Variants in ADAMTS12 observed in about 807,000 individuals in gnomAD.
ADAMTS12 encodes the protein A disintegrin and metalloproteinase with thrombospondin motifs 12.
A neutral mutation model predicts 167.8 loss-of-function variants in ADAMTS12; 118 were observed. That is an observed-to-expected ratio of 0.70 (90% CI 0.61 to 0.82). The LOEUF is 0.82. Among genes scored for constraint, ADAMTS12 ranks in the 40% least tolerant of loss-of-function variants. The pLI is 0.00. For missense variants in ADAMTS12, 1,916 were observed against 1,998.8 expected, an observed-to-expected ratio of 0.96 and a Z score of 0.79; for synonymous variants, 704 against 716.9, an observed-to-expected ratio of 0.98 and a Z score of 0.29.
chr5:33,775,067 C>T (rs927365442), intron 2 of ADAMTS12, among the ~76,000 whole-genome samples: 7 of 152,014 alleles, frequency 4.6e-5, no homozygotes, highest in Admixed American at 6.6e-5. Flanking sequence ...TTAAAGCTCC[C>T]CAGGTCATTC....
chr5:33,600,024 T>A (rs1738112537), intron 16 of ADAMTS12, among the ~76,000 whole-genome samples: 1 of 152,174 alleles, frequency 6.6e-6, no homozygotes. Flanking sequence ...CTATACTAAA[T>A]ATAGTCCCAA....
intron 3 of ADAMTS12, among the ~76,000 whole-genome samples, chr5:33,708,592 T>C (rs1743279916): frequency 6.6e-6 from 1 of 152,140 alleles, no homozygotes; most frequent in African/African-American, 2.4e-5. Flanking sequence ...GTGGCACATA[T>C]ACACCATGGA....
chr5:33,872,859 C>G (rs1750091485), intron 2 of ADAMTS12, among the ~76,000 whole-genome samples: 1 of 152,106 alleles, frequency 6.6e-6, no homozygotes, highest in East Asian at 1.9e-4. Flanking sequence ...ATGATCATAC[C>G]TATAGATGGA....
chr5:33,855,938 T>C lies in ADAMTS12; in HGVS notation c.489+25181A>G, dbSNP rs557518473. Among the ~76,000 whole-genome samples, 223 of 152,262 alleles carry C rather than the reference T, an allele frequency of 1.5e-3. 2 individuals carry two copies. The highest frequency in any genetic ancestry group is 5.2e-3 in the African/African-American group (214 of 41,540). ...GTAGCGATGATGCCTCACTACGTTG[T>C]GTAGGTTTGTCTCCAACTCCTGGAT... is the stretch of plus-strand genomic sequence containing the variant. On this transcript the variant is annotated intron_variant, in intron 2 of 23. Transcript: ENST00000504830.
intron 20 of ADAMTS12, among the ~76,000 whole-genome samples, chr5:33,550,941 C>A (rs557403802): frequency 6.6e-6 from 1 of 152,130 alleles, no homozygotes; most frequent in Non-Finnish European, 1.5e-5. Context: ...AAAGAGATCT[C>A]CAGTAATCAT....
At chr5:33,754,779 C>T (rs1018047607) in intron 2 of ADAMTS12, among the ~76,000 whole-genome samples, 5 of 152,094 alleles carry the variant, frequency 3.3e-5, no homozygotes, top group African/African-American at 1.2e-4. Context: ...TTGCTTAAGC[C>T]TGGGAGGCGG....
At chr5:33,673,859 C>T (rs34017745) in intron 5 of ADAMTS12, among the ~76,000 whole-genome samples, 38,394 of 136,146 alleles carry the variant, frequency 0.28, 5,118 homozygotes, top group African/African-American at 0.33. Flanking sequence ...GTCTTTTTCT[C>T]TTACCCCCTT....
At chr5:33,676,591 G>A (rs1398312323) in intron 5 of ADAMTS12, among the ~76,000 whole-genome samples, 1 of 151,736 alleles carries the variant, frequency 6.6e-6, no homozygotes, top group Non-Finnish European at 1.5e-5. Flanking sequence ...GGCTGAGGTG[G>A]GAGGATGGCT....
Position 33,850,754 on chromosome 5 carries a change from C to CTGG in ADAMTS12, c.489+30362_489+30364dup, listed in dbSNP as rs1307676380. 2.0e-5 allele frequency among the ~76,000 whole-genome samples: 3 copies of CTGG among 152,294 alleles called. No individual in the cohort carries two copies. The East Asian group carries it at 5.8e-4, about 29-fold the overall frequency. ...AAAGAGAGAGTTTTTTCCCATCCTG[C>CTGG]TGGTCCCTGGGCTGCAAGGATCCAG... is the stretch of plus-strand genomic sequence containing the variant. On this transcript the variant is annotated intron_variant, in intron 2 of 23. Coordinates refer to ENST00000504830, the MANE Select transcript of ADAMTS12 (RefSeq NM_030955.4).
Position 33,526,042 on chromosome 5 carries a change from A to G in ADAMTS12, c.*1146T>C, listed in dbSNP as rs530662655. ...GTAAAAGATCTTTAAGACTAACTAC[A>G]TATTGGGTACACTGAGGAGTAGATC... On this transcript the variant is annotated 3_prime_UTR_variant, in exon 24 of 24. Coordinates refer to ENST00000504830, the MANE Select transcript of ADAMTS12 (RefSeq NM_030955.4). 3 of 152,332 alleles carry G rather than the reference A, an allele frequency of 2.0e-5. No homozygotes were observed. The highest frequency in any genetic ancestry group is 4.4e-5 in the Non-Finnish European group (3 of 68,040). 9.4% of individuals were successfully genotyped at this position (152,332 alleles called of 1,614,324 possible).
chr5:33,658,374 C>T, intron 6 of ADAMTS12, 41 bp from the exon 7 acceptor site: 1 of 1,600,588 alleles, frequency 6.2e-7, no homozygotes, highest in Non-Finnish European at 8.5e-7. Context: ...CCCAAAGGAA[C>T]ATCTGGAAAA....
intron 2 of ADAMTS12, among the ~76,000 whole-genome samples, chr5:33,827,140 T>C (rs1748100582): frequency 2.9e-5 from 1 of 34,332 alleles, no homozygotes; most frequent in Non-Finnish European, 9.4e-5. Context: ...ACAGATGGGC[T>C]TGGGGAAGCA....
chr5:33,612,193 C>A (rs1392274564), intron 16 of ADAMTS12, among the ~76,000 whole-genome samples: 2 of 152,192 alleles, frequency 1.3e-5, no homozygotes, highest in African/African-American at 4.8e-5. Context: ...AACAGTGTGG[C>A]TGAAGTTCAG....
intron 3 of ADAMTS12, among the ~76,000 whole-genome samples, chr5:33,691,476 T>C (rs1742544405): frequency 6.6e-6 from 1 of 152,198 alleles, no homozygotes; most frequent in South Asian, 2.1e-4. Flanking sequence ...CCAGGAACCA[T>C]ACAGTGGGAA....
At chr5:33,705,673 G>A (rs1015955045) in intron 3 of ADAMTS12, among the ~76,000 whole-genome samples, 2 of 151,572 alleles carry the variant, frequency 1.3e-5, no homozygotes, top group African/African-American at 4.9e-5. Flanking sequence ...AGCTGGGCGT[G>A]GTGCTGGGCA....
chr5:33,798,923 T>C (rs915545942), intron 2 of ADAMTS12, among the ~76,000 whole-genome samples: 3 of 152,194 alleles, frequency 2.0e-5, no homozygotes, highest in African/African-American at 7.2e-5. Context: ...AAGGGCTCTG[T>C]GGCATCTGTG....
chr5:33,707,513 G>T (rs1248486971), intron 3 of ADAMTS12, among the ~76,000 whole-genome samples: 1 of 152,114 alleles, frequency 6.6e-6, no homozygotes, highest in African/African-American at 2.4e-5. Context: ...TAAGCAAAAA[G>T]AACAAAGCTG....
chr5:33,744,420 G>C (rs1256854290), intron 3 of ADAMTS12, among the ~76,000 whole-genome samples: 2 of 152,188 alleles, frequency 1.3e-5, no homozygotes, highest in Non-Finnish European at 2.9e-5. Context: ...GGAGTGACAA[G>C]AGAATGTGCT....
At chr5:33,586,384 A>AT (rs1747354242) in intron 18 of ADAMTS12, among the ~76,000 whole-genome samples, 2 of 152,238 alleles carry the variant, frequency 1.3e-5, no homozygotes, top group Non-Finnish European at 2.9e-5. Flanking sequence ...CATCTTCTGA[A>AT]TGAGGGCATT....
Sources: allele counts gnomAD v4.1 joint callset (sites outside exome capture counted in the v4.1 genomes callset), GRCh38; gene constraint gnomAD v4.1.1; transcripts MANE v1.5; gene names NCBI Gene and HGNC (gene_info 2026-07-23, HGNC 2026-07-21).